Variants in SVOP observed in about 807,000 individuals in gnomAD.
The protein encoded by SVOP is synaptic vesicle 2-related protein.
A neutral mutation model predicts 69.1 loss-of-function variants in SVOP; 17 were observed. The ratio of observed to expected loss-of-function variants is 0.25; its 90% CI spans 0.17 to 0.37. The LOEUF is 0.37. SVOP is among the 10% of genes least tolerant of loss of function. The pLI, the probability that SVOP is intolerant of heterozygous loss-of-function variation, is 1.00. For synonymous variants in SVOP, 238 were observed against 238.6 expected (o/e 1.00, Z 0.02); for missense variants, 435 against 597.5 (o/e 0.73, Z 2.84).
intron 11 of SVOP, among the ~76,000 whole-genome samples, chr12:108,924,248 C>T (rs897127688): frequency 5.3e-5 from 8 of 152,086 alleles, no homozygotes; most frequent in South Asian, 2.1e-4. Flanking sequence ...CCCCCAGGAC[C>T]GACAGAAATA....
chr12:108,979,343 C>T (rs2137435450), intron 2 of SVOP, among the ~76,000 whole-genome samples: 1 of 152,240 alleles, frequency 6.6e-6, no homozygotes, highest in Admixed American at 6.5e-5. Context: ...GGGCTCAAGC[C>T]ATCCTCCTGC....
chr12:108,942,468 G>T (rs1463593887), intron 7 of SVOP, among the ~76,000 whole-genome samples: 1 of 152,190 alleles, frequency 6.6e-6, no homozygotes, highest in Non-Finnish European at 1.5e-5. Flanking sequence ...TTTTGTATGG[G>T]TTCCATCAAC....
In SVOP at chr12:108,926,961, C is replaced by T. The variant is rs1474002787; in HGVS notation, c.1049-4164G>A. ...CAGCCTTGGAAGAAAGAGAATGTCT[C>T]CCCTTGGCTCAAATAGTAGTTTGCT... On this transcript the variant is annotated intron_variant, in intron 11 of 15. Transcript: ENST00000610966. Among the ~76,000 whole-genome samples, 3 of 152,208 alleles carry T rather than the reference C, an allele frequency of 2.0e-5. No individual in the cohort carries two copies. In the East Asian group the frequency reaches 5.8e-4, roughly 29 times the overall value.
chr12:109,020,975 C>T lies in SVOP; in HGVS notation c.-107G>A. The stretch of plus-strand genomic sequence containing the variant: ...GGGAAGCTGGACAGCACCCGCGCCG[C>T]TTCCTCCCTGGAGCAGCAGCTGTTC... On this transcript the variant is annotated 5_prime_UTR_variant, in exon 1 of 16. Transcript: ENST00000610966. 1 of 642,966 alleles carries T rather than the reference C, an allele frequency of 1.6e-6. No homozygotes were observed. The highest frequency in any genetic ancestry group is 1.7e-5 in the South Asian group (1 of 59,634). The allele number at this position is 642,966 out of a possible 1,614,324, so 39.8% of individuals were successfully genotyped here.
At chr12:108,990,974 G>C (rs1407875107) in intron 1 of SVOP, among the ~76,000 whole-genome samples, 3 of 152,196 alleles carry the variant, frequency 2.0e-5, no homozygotes, top group African/African-American at 7.2e-5. Context: ...GTTCATCAGA[G>C]GCAGGCAAGC....
At chr12:108,973,074 T>C (rs1044299254) in intron 4 of SVOP, among the ~76,000 whole-genome samples, 14 of 151,914 alleles carry the variant, frequency 9.2e-5, no homozygotes, top group South Asian at 2.1e-4. Flanking sequence ...AAGGAGAGAG[T>C]AGAGGCAAGT....
rs2039659168 is a variant in SVOP at position 108,908,050 on chromosome 12, C to A, written c.*4485G>T. 7.6e-6 allele frequency: 1 copy of A among 131,820 alleles called. No homozygotes were observed. Among genetic ancestry groups the A allele is most frequent in the Non-Finnish European group, 1.5e-5 (1 of 66,172 alleles). The allele number at this position is 131,820 out of a possible 1,614,324, so 8.2% of individuals were successfully genotyped here. A position where few individuals can be genotyped will look rare whatever the true frequency, so the allele number is the denominator to read the frequency against. On this transcript the variant is annotated 3_prime_UTR_variant, in exon 16 of 16. Transcript: ENST00000610966. The stretch of plus-strand genomic sequence containing the variant: ...CAATCCAACACTAAACTGGGCCAAT[C>A]AGCTTCATTCCTGAAGATCTGGGAG...
chr12:108,938,218 T>A (rs1378241829), intron 9 of SVOP, among the ~76,000 whole-genome samples: 1 of 152,236 alleles, frequency 6.6e-6, no homozygotes, highest in Non-Finnish European at 1.5e-5. Flanking sequence ...CTGCTTAAGG[T>A]ATTTGTCATG....
At chr12:108,997,588 T>G (rs1204852518) in intron 1 of SVOP, among the ~76,000 whole-genome samples, 1 of 152,008 alleles carries the variant, frequency 6.6e-6, no homozygotes, top group Non-Finnish European at 1.5e-5. Context: ...AGAGCAGCGG[T>G]TCTCCCAGCA....
intron 1 of SVOP, among the ~76,000 whole-genome samples, chr12:109,018,880 G>A (rs2040382072): frequency 6.6e-6 from 1 of 152,162 alleles, no homozygotes; most frequent in African/African-American, 2.4e-5. Context: ...TATCTCATTT[G>A]ATCTTCACAA....
At chr12:109,008,146 A>G (rs1256018668) in intron 1 of SVOP, among the ~76,000 whole-genome samples, 1 of 152,170 alleles carries the variant, frequency 6.6e-6, no homozygotes, top group Admixed American at 6.5e-5. Flanking sequence ...CCCTGGCTCA[A>G]GTAGCTCCAA....
Position 109,020,963 on chromosome 12 carries a change from G to A in SVOP, c.-95C>T, listed in dbSNP as rs2040394877. 4 of 659,368 alleles carry A rather than the reference G, an allele frequency of 6.1e-6. No homozygotes were observed. The highest frequency in any genetic ancestry group is 1.1e-5 in the Non-Finnish European group (4 of 353,544). 40.8% of individuals were successfully genotyped at this position (659,368 alleles called of 1,614,324 possible). A position where few individuals can be genotyped will look rare whatever the true frequency, so the allele number is the denominator to read the frequency against. The stretch of plus-strand genomic sequence containing the variant: ...GTTTTCAGCACCGGGAAGCTGGACA[G>A]CACCCGCGCCGCTTCCTCCCTGGAG... On this transcript the variant is annotated 5_prime_UTR_variant, in exon 1 of 16. Transcript: ENST00000610966.
chr12:108,917,007 G>A (rs4964283), intron 14 of SVOP, among the ~76,000 whole-genome samples: 42,883 of 152,048 alleles, frequency 0.28, 7,463 homozygotes, highest in Admixed American at 0.49. Context: ...TCGGCCTCCC[G>A]AAGTGCTGGG....
At chr12:108,944,911 A>G (rs559699721) in intron 7 of SVOP, among the ~76,000 whole-genome samples, 192 bp downstream of exon 7, 4 of 152,308 alleles carry the variant, frequency 2.6e-5, no homozygotes, top group South Asian at 2.1e-4. Flanking sequence ...GTTTTTGTCA[A>G]TTGAAGAATT....
At chr12:108,974,284 G>C (rs2040094883) in intron 4 of SVOP, among the ~76,000 whole-genome samples, 1 of 152,108 alleles carries the variant, frequency 6.6e-6, no homozygotes, top group South Asian at 2.1e-4. Flanking sequence ...CTCATTAAGG[G>C]ATACATTTCC....
intron 6 of SVOP, among the ~76,000 whole-genome samples, chr12:108,947,931 C>T (rs775331028): frequency 7.9e-5 from 12 of 151,986 alleles, no homozygotes; most frequent in Non-Finnish European, 1.8e-4. Flanking sequence ...TCCTAGGATC[C>T]CTTTACTAGG....
chr12:108,934,662 C>T (rs2039845591), intron 10 of SVOP, among the ~76,000 whole-genome samples: 1 of 152,144 alleles, frequency 6.6e-6, no homozygotes, highest in African/African-American at 2.4e-5. Context: ...GCTGATAAAG[C>T]AGGTTGCAGT....
At chr12:108,915,213 G>A (rs533971808) in intron 15 of SVOP, among the ~76,000 whole-genome samples, 71 of 151,642 alleles carry the variant, frequency 4.7e-4, no homozygotes, top group African/African-American at 1.6e-3. Context: ...ATAGATTAAG[G>A]GGTCCACTGC....
At chr12:108,922,610 G>A (rs1403095311) in intron 12 of SVOP, 80 bp downstream of exon 12, 1 of 1,044,582 alleles carries the variant, frequency 9.6e-7, no homozygotes, top group African/African-American at 1.6e-5. Flanking sequence ...TTCCAGGTAG[G>A]GTAGACAGAG....
Sources: gnomAD v4.1 joint callset for allele counts (sites outside exome capture counted in the v4.1 genomes callset) on GRCh38, gnomAD v4.1.1 for gene constraint, MANE v1.5 for transcripts, NCBI Gene and HGNC (gene_info 2026-07-23, HGNC 2026-07-21) for gene names.